Variants in GADL1 observed in about 807,000 individuals in gnomAD.
GADL1 encodes the protein acidic amino acid decarboxylase GADL1.
Under a neutral mutation model 69.5 loss-of-function variants are expected in GADL1, and 71 were observed. That is an observed-to-expected ratio of 1.02 (90% CI 0.84 to 1.25). The LOEUF (loss-of-function observed/expected upper bound fraction) is 1.25, where lower values mean the gene tolerates loss of function less well. Ranked by LOEUF, GADL1 falls within the 50% of genes most tolerant of loss-of-function variation. The probability of loss-of-function intolerance (pLI) is 0.00; values close to 1 mark genes in which losing one functional copy is unlikely to be tolerated. For missense variants in GADL1, 737 were observed against 631.8 expected (o/e 1.17, Z -1.79); for synonymous variants, 254 against 214.4 (o/e 1.18, Z -1.62).
intron 11 of GADL1, among the ~76,000 whole-genome samples, chr3:30,811,662 T>C (rs1697358052): frequency 6.6e-6 from 1 of 152,192 alleles, no homozygotes; most frequent in Non-Finnish European, 1.5e-5. Context: ...TGCATACTGA[T>C]TTTTTCTATT....
At chr3:30,840,103 G>A (rs905246191) in intron 8 of GADL1, among the ~76,000 whole-genome samples, 3 of 152,062 alleles carry the variant, frequency 2.0e-5, no homozygotes, top group Non-Finnish European at 4.4e-5. Context: ...TGAAAGTTTA[G>A]TGCCTCTAAA....
chr3:30,827,663 C>T (rs759185253), intron 11 of GADL1, among the ~76,000 whole-genome samples: 23 of 151,768 alleles, frequency 1.5e-4, no homozygotes, highest in African/African-American at 4.6e-4. Context: ...CGTTTTTTAA[C>T]GTGATGCACC....
At chr3:30,766,213 T>TG (rs1421115860) in intron 14 of GADL1, among the ~76,000 whole-genome samples, 12 of 151,410 alleles carry the variant, frequency 7.9e-5, no homozygotes, top group African/African-American at 2.4e-4. Flanking sequence ...AATGAAGAGG[T>TG]GGTAGAATAT....
intron 9 of GADL1, among the ~76,000 whole-genome samples, chr3:30,834,876 C>T (rs927156342): frequency 1.3e-5 from 2 of 151,940 alleles, no homozygotes; most frequent in African/African-American, 4.8e-5. Context: ...GAGAGGGGAG[C>T]TCAGATAAAA....
At chr3:30,818,537 T>C (rs1016821473) in intron 11 of GADL1, among the ~76,000 whole-genome samples, 2 of 152,172 alleles carry the variant, frequency 1.3e-5, no homozygotes, top group African/African-American at 2.4e-5. Flanking sequence ...CTCTATTTCA[T>C]GTTATTGTGA....
At chr3:30,764,129 T>TAAACA (rs1696209959) in intron 14 of GADL1, among the ~76,000 whole-genome samples, 1 of 150,234 alleles carries the variant, frequency 6.7e-6, no homozygotes, top group Non-Finnish European at 1.5e-5. Context: ...CTTATGTTTA[T>TAAACA]TAAATATATT....
At chr3:30,819,856 A>T (rs1305217585) in intron 11 of GADL1, among the ~76,000 whole-genome samples, 28 of 152,066 alleles carry the variant, frequency 1.8e-4, no homozygotes, top group African/African-American at 6.8e-4. Flanking sequence ...TATTTGAGAA[A>T]ATATTGTAAT....
intron 12 of GADL1, among the ~76,000 whole-genome samples, chr3:30,792,697 C>T (rs999358260): frequency 6.6e-6 from 1 of 152,126 alleles, no homozygotes; most frequent in Non-Finnish European, 1.5e-5. Context: ...GGGAGGTTTC[C>T]TCTCATGTTC....
At chr3:30,878,910 A>G (rs1344046171) in intron 1 of GADL1, among the ~76,000 whole-genome samples, 18 of 151,952 alleles carry the variant, frequency 1.2e-4, no homozygotes, top group Admixed American at 1.2e-3. Flanking sequence ...ATAGTAAGTT[A>G]AACAGTTCGT....
intron 11 of GADL1, among the ~76,000 whole-genome samples, chr3:30,809,470 T>C (rs1444343034): frequency 3.9e-5 from 6 of 152,314 alleles, no homozygotes; most frequent in Admixed American, 6.5e-5. Context: ...TGTTTCAATG[T>C]AGGAGGTTCA....
intron 13 of GADL1, among the ~76,000 whole-genome samples, chr3:30,783,616 G>T (rs1457318304): frequency 6.7e-6 from 1 of 149,780 alleles, no homozygotes; most frequent in African/African-American, 2.4e-5. Flanking sequence ...TGACATTCAG[G>T]GTCTAATTCT....
At position 30,894,597 on chromosome 3, in the gene GADL1, G is replaced by T. The variant is rs1205012841; in HGVS notation, c.18C>A (p.Asp6Glu). 1.3e-6 allele frequency: 2 copies of T among 1,550,944 alleles called. No homozygotes were observed. Among genetic ancestry groups the T allele is most frequent in the African/African-American group, 2.7e-5 (2 of 73,028 alleles). MSSDS[D>E]RQCPVDGDID... ...CGTTACCGTCCACAGGACACTGGCG[G>T]TCCGAGTCGCTGCTCATCTCCGCTC... Residue 6 changes from aspartate to glutamate, a missense_variant, in exon 1 of 15, where the codon GAC becomes GAA. Asp to Glu is a conservative substitution (Grantham distance 45, BLOSUM62 2). Transcript: ENST00000282538.
intron 13 of GADL1, among the ~76,000 whole-genome samples, chr3:30,784,622 T>C (rs746894652): frequency 3.3e-5 from 5 of 152,224 alleles, no homozygotes; most frequent in Non-Finnish European, 7.3e-5. Context: ...CTGAGGACTA[T>C]TGTCATATTT....
intron 12 of GADL1, among the ~76,000 whole-genome samples, chr3:30,787,423 AAG>A (rs1696820801): frequency 6.6e-6 from 1 of 152,172 alleles, no homozygotes; most frequent in Non-Finnish European, 1.5e-5. Flanking sequence ...TCTGTACCAA[AAG>A]AGAAGTCTGA....
chr3:30,873,554 C>T, intron 1 of GADL1, among the ~76,000 whole-genome samples: 1 of 151,694 alleles, frequency 6.6e-6, no homozygotes, highest in East Asian at 1.9e-4. Flanking sequence ...TATTTGGATA[C>T]ATTTTTGTAC....
intron 14 of GADL1, among the ~76,000 whole-genome samples, chr3:30,751,607 G>A (rs910075624): frequency 2.0e-5 from 3 of 151,884 alleles, no homozygotes; most frequent in South Asian, 2.1e-4. Flanking sequence ...ATCTATAGAA[G>A]ATAGGCTAAT....
intron 4 of GADL1, among the ~76,000 whole-genome samples, chr3:30,852,551 C>T (rs560289278): frequency 2.6e-5 from 4 of 151,844 alleles, no homozygotes; most frequent in Admixed American, 6.6e-5. Context: ...TTCTTAACCA[C>T]GTTATGAAGC....
chr3:30,846,577 G>A (rs1292019041), intron 6 of GADL1, among the ~76,000 whole-genome samples: 2 of 151,802 alleles, frequency 1.3e-5, no homozygotes, highest in Non-Finnish European at 2.9e-5. Context: ...CTGTGCCCTG[G>A]ACTCCAGTGC....
chr3:30,829,715 A>C (rs963636262), intron 11 of GADL1, among the ~76,000 whole-genome samples: 1 of 151,922 alleles, frequency 6.6e-6, no homozygotes, highest in East Asian at 1.9e-4. Context: ...TTCAGTTTTT[A>C]AATAGATATT....
Sources: gnomAD v4.1 joint callset for allele counts (sites outside exome capture counted in the v4.1 genomes callset) on GRCh38, gnomAD v4.1.1 for gene constraint, MANE v1.5 for transcripts, NCBI Gene and HGNC (gene_info 2026-07-23, HGNC 2026-07-21) for gene names.